The following GLP2R variants were observed in gnomAD, a reference collection of about 807,000 sequenced individuals.
The protein encoded by GLP2R is glucagon-like peptide 2 receptor.
A neutral mutation model predicts 68.2 loss-of-function variants in GLP2R; 59 were observed. The ratio of observed to expected loss-of-function variants is 0.87; its 90% CI spans 0.70 to 1.07. The LOEUF (loss-of-function observed/expected upper bound fraction) is 1.07, where lower values mean the gene tolerates loss of function less well. Ranked by LOEUF, GLP2R falls within the 50% of genes least tolerant of loss-of-function variation. The probability of loss-of-function intolerance (pLI) is 0.00; values close to 1 mark genes in which losing one functional copy is unlikely to be tolerated. For missense variants in GLP2R, 548 were observed against 677.4 expected (o/e 0.81, Z 2.12); for synonymous variants, 270 against 265.4 (o/e 1.02, Z -0.17).
intron 9 of GLP2R, among the ~76,000 whole-genome samples, chr17:9,870,115 G>A (rs1029570289): frequency 3.9e-5 from 6 of 152,140 alleles, no homozygotes; most frequent in South Asian, 2.1e-4. Flanking sequence ...GCAGAATAGC[G>A]TTCTGTTTAA....
rs1306109609 is a variant in GLP2R, at chr17:9,825,941, C to G, written c.-123C>G. On this transcript the variant is annotated 5_prime_UTR_variant, in exon 1 of 13. Coordinates refer to ENST00000262441, the MANE Select transcript of GLP2R (RefSeq NM_004246.3). ...ACCGCCTCAGACACTCTCGGCGCAG[C>G]GTGGAGAGGATTTGTGCAAACATTT... 1.4e-5 allele frequency: 11 copies of G among 787,096 alleles called. No homozygotes were observed. The highest frequency in any genetic ancestry group is 2.2e-5 in the Non-Finnish European group (11 of 490,430). The allele number at this position is 787,096 out of a possible 1,614,324, so 48.8% of individuals were successfully genotyped here. A position where few individuals can be genotyped will look rare whatever the true frequency, so the allele number is the denominator to read the frequency against.
chr17:9,880,663 A>G (rs946525926), intron 11 of GLP2R, 147 bp downstream of exon 11: 6 of 544,406 alleles, frequency 1.1e-5, no homozygotes, highest in African/African-American at 1.9e-5. Flanking sequence ...TGGCATTAGA[A>G]GGGCATGCAG....
chr17:9,877,804 A>T (rs539159347), intron 10 of GLP2R, among the ~76,000 whole-genome samples: 47 of 150,174 alleles, frequency 3.1e-4, no homozygotes, highest in African/African-American at 1.1e-3. Context: ...ATGAACCCGG[A>T]AGGCGGAGGT....
intron 3 of GLP2R, among the ~76,000 whole-genome samples, chr17:9,839,252 T>G (rs1275393303): frequency 1.3e-5 from 2 of 152,148 alleles, no homozygotes; most frequent in Non-Finnish European, 2.9e-5. Context: ...GCTAAGGGTC[T>G]GGATTCTGGC....
chr17:9,866,316 C>CTA (rs2067036747), intron 9 of GLP2R: 1 of 178,802 alleles, frequency 5.6e-6, no homozygotes. Context: ...GGACATTTGG[C>CTA]TGTGTCTGGA....
chr17:9,891,790 C>T lies in GLP2R; in HGVS notation c.*2085C>T, dbSNP rs1179181955. ...TATTTTTCTCCTTTCTGCAAATGTC[C>T]CTGCCTCGGCTCATCAGCCAATTAG... On this transcript the variant is annotated 3_prime_UTR_variant, in exon 13 of 13. Coordinates refer to ENST00000262441, the MANE Select transcript of GLP2R (RefSeq NM_004246.3). 6 of 152,094 alleles carry T rather than the reference C, an allele frequency of 3.9e-5. No individual in the cohort carries two copies. The highest frequency in any genetic ancestry group is 1.4e-4 in the African/African-American group (6 of 41,402). The allele number at this position is 152,094 out of a possible 1,614,324, so 9.4% of individuals were successfully genotyped here.
At position 9,857,371 on chromosome 17, in the gene GLP2R, G is replaced by T. The variant is rs2066943083; in HGVS notation, c.612-52G>T. 4 of 1,571,502 alleles carry T rather than the reference G, an allele frequency of 2.5e-6. No homozygotes were observed. In the African/African-American group the frequency reaches 4.1e-5, roughly 16 times the overall value. On this transcript the variant is annotated intron_variant, in intron 5 of 12. Coordinates refer to ENST00000262441, the MANE Select transcript of GLP2R (RefSeq NM_004246.3). ...CAGGCATAAAAGGCAGAGGCCTGTT[G>T]GTTGGAGCCATTCTTTCCTGAGGGA...
chr17:9,862,799 C>T (rs1479007851), intron 9 of GLP2R, among the ~76,000 whole-genome samples: 1 of 152,166 alleles, frequency 6.6e-6, no homozygotes, highest in Non-Finnish European at 1.5e-5. Context: ...TTCGCGTGCC[C>T]ACCAGGTGCT....
chr17:9,877,517 C>G (rs925412726), intron 10 of GLP2R, among the ~76,000 whole-genome samples: 2 of 152,070 alleles, frequency 1.3e-5, no homozygotes, highest in African/African-American at 2.4e-5. Flanking sequence ...ACATAAACCC[C>G]GAACTTTAGT....
chr17:9,862,463 G>A (rs2066995744), intron 9 of GLP2R, among the ~76,000 whole-genome samples: 2 of 152,174 alleles, frequency 1.3e-5, no homozygotes, highest in Non-Finnish European at 2.9e-5. Context: ...ACAGGAGGGA[G>A]GAAGAGACTA....
At chr17:9,875,220 T>C (rs2067132972) in intron 10 of GLP2R, among the ~76,000 whole-genome samples, 1 of 152,226 alleles carries the variant, frequency 6.6e-6, no homozygotes, top group Non-Finnish European at 1.5e-5. Context: ...TTTCAAGTTC[T>C]GAGAGAGTGC....
chr17:9,872,960 A>T (rs12936268), intron 10 of GLP2R, among the ~76,000 whole-genome samples: 23,321 of 152,216 alleles, frequency 0.15, 2,485 homozygotes, highest in East Asian at 0.49. Context: ...AACATTTTGC[A>T]AGAAACCCGT....
At chr17:9,827,990 G>C (rs1158332793) in intron 1 of GLP2R, among the ~76,000 whole-genome samples, 5 of 150,000 alleles carry the variant, frequency 3.3e-5, no homozygotes, top group Admixed American at 3.3e-4. Context: ...AGGAATGGCT[G>C]TCTTCCTCCT....
At chr17:9,847,001 A>C (rs540438191) in intron 4 of GLP2R, among the ~76,000 whole-genome samples, 2 of 152,354 alleles carry the variant, frequency 1.3e-5, no homozygotes, top group South Asian at 2.1e-4. Context: ...ACTCCTGAAG[A>C]AAGAAAGGCT....
intron 3 of GLP2R, 69 bp downstream of exon 3, chr17:9,836,544 C>G: frequency 1.2e-6 from 1 of 837,730 alleles, no homozygotes. Flanking sequence ...CCCCCACAAA[C>G]AGTCCCCGTC....
intron 9 of GLP2R, chr17:9,866,085 T>C: frequency 2.9e-6 from 1 of 342,856 alleles, no homozygotes; most frequent in South Asian, 2.3e-5. Flanking sequence ...CCCCAGAGAG[T>C]GGAATTTATG....
At chr17:9,855,143 G>C (rs947468337) in intron 5 of GLP2R, among the ~76,000 whole-genome samples, 1 of 152,182 alleles carries the variant, frequency 6.6e-6, no homozygotes, top group African/African-American at 2.4e-5. Context: ...GATAATGGGG[G>C]AACTATGGTA....
chr17:9,868,545 G>A (rs987302393), intron 9 of GLP2R, among the ~76,000 whole-genome samples: 12 of 152,280 alleles, frequency 7.9e-5, no homozygotes, highest in Admixed American at 7.8e-4. Context: ...CTTGGAAAAT[G>A]TCCTCACTCA....
intron 7 of GLP2R, 23 bp from the exon 8 acceptor site, chr17:9,861,116 A>G (rs1384513565): frequency 1.2e-6 from 2 of 1,609,434 alleles, no homozygotes; most frequent in South Asian, 2.2e-5. Flanking sequence ...TCCTAACTAC[A>G]TTTCCCTGTG....
Sources: gnomAD v4.1 joint callset for allele counts (sites outside exome capture counted in the v4.1 genomes callset) on GRCh38, gnomAD v4.1.1 for gene constraint, MANE v1.5 for transcripts, NCBI Gene and HGNC (gene_info 2026-07-23, HGNC 2026-07-21) for gene names.